USH2A: variants seen among roughly 807,000 people sequenced by gnomAD.
The protein encoded by USH2A is Usher syndrome 2A (autosomal recessive, mild).
In USH2A, 443 loss-of-function variants were observed where a neutral mutation model predicts 538.9. That is an observed-to-expected ratio of 0.82 (90% CI 0.76 to 0.89). USH2A has a LOEUF of 0.89. USH2A is among the 40% of genes least tolerant of loss of function. The pLI is 0.00. For synonymous variants in USH2A, 2,413 were observed against 2,273.5 expected (o/e 1.06, Z -1.75); for missense variants, 6,633 against 6,324.8 (o/e 1.05, Z -1.65).
In USH2A at chr1:216,083,447, T is replaced by G; in HGVS notation, c.5298+9A>C. On this transcript the variant is annotated intron_variant, in intron 26 of 71. Coordinates refer to ENST00000307340, the MANE Select transcript of USH2A (RefSeq NM_206933.4). The stretch of plus-strand genomic sequence containing the variant: ...TTTAAAGTAATTTTAATCAAATTAA[T>G]TCACATACAGCAAGAAAATCAGGTC... 1 of 1,610,086 alleles carries G rather than the reference T, an allele frequency of 6.2e-7. No individual in the cohort carries two copies. The highest frequency in any genetic ancestry group is 8.5e-7 in the Non-Finnish European group (1 of 1,178,420).
intron 40 of USH2A, among the ~76,000 whole-genome samples, chr1:215,896,001 A>G (rs548296233): frequency 3.9e-5 from 6 of 152,284 alleles, no homozygotes; most frequent in African/African-American, 1.4e-4. Flanking sequence ...TAAAAATATG[A>G]TATCATCATC....
chr1:215,664,758 A>G (rs1325451699), intron 64 of USH2A, among the ~76,000 whole-genome samples: 1 of 152,076 alleles, frequency 6.6e-6, no homozygotes, highest in Non-Finnish European at 1.5e-5. Context: ...CATGAAGGGG[A>G]CTAGTGTTCT....
intron 69 of USH2A, among the ~76,000 whole-genome samples, chr1:215,638,495 T>TTG (rs1474476936): frequency 6.6e-6 from 1 of 151,852 alleles, no homozygotes; most frequent in African/African-American, 2.4e-5. Context: ...TGACATACAC[T>TTG]TGTAGTCCCA....
chr1:216,175,276 G>A lies in USH2A; in HGVS notation c.4603C>T (p.His1535Tyr). ...NGYCKFPSST[H>Y]PVNTDFTGIK... Reference sequence around the variant, plus strand: ...CCAGTGAAGTCTGTATTGACTGGGTGAGTGGAGCTGGGAAATTTACAATAC... The same window carrying A: ...CCAGTGAAGTCTGTATTGACTGGGTAAGTGGAGCTGGGAAATTTACAATAC... The change falls in exon 21 of 72, where the codon CAC becomes TAC. Residue 1535 changes from histidine (H) to tyrosine (Y), a missense_variant. His to Tyr is a moderately conservative substitution (Grantham distance 83, BLOSUM62 2). Transcript: ENST00000307340. 1 of 1,613,730 alleles carries A rather than the reference G, an allele frequency of 6.2e-7. No homozygotes were observed. Among genetic ancestry groups the A allele is most frequent in the Non-Finnish European group, 8.5e-7 (1 of 1,179,836 alleles).
At chr1:215,796,474 A>ATTAT (rs1662140124) in intron 50 of USH2A, among the ~76,000 whole-genome samples, 1 of 151,732 alleles carries the variant, frequency 6.6e-6, no homozygotes, top group Non-Finnish European at 1.5e-5. Context: ...ATGACCTTTG[A>ATTAT]TGTTACTATG....
chr1:216,197,751 A>C (rs2034883526), intron 18 of USH2A, among the ~76,000 whole-genome samples: 1 of 152,190 alleles, frequency 6.6e-6, no homozygotes. Context: ...TTTTGCCTTA[A>C]TGAAGATAAT....
intron 4 of USH2A, among the ~76,000 whole-genome samples, chr1:216,328,973 G>T (rs1366176169): frequency 2.0e-5 from 3 of 151,912 alleles, no homozygotes; most frequent in Non-Finnish European, 4.4e-5. Flanking sequence ...TACACTTATA[G>T]GCTCTCTCTT....
At chr1:215,827,825 A>G (rs1018377149) in intron 47 of USH2A, among the ~76,000 whole-genome samples, 2 of 152,178 alleles carry the variant, frequency 1.3e-5, no homozygotes, top group Non-Finnish European at 2.9e-5. Context: ...CTTCAGCCCA[A>G]CACTCTCCCT....
chr1:216,134,425 A>C (rs1026876100), intron 21 of USH2A, among the ~76,000 whole-genome samples: 1 of 152,116 alleles, frequency 6.6e-6, no homozygotes, highest in Non-Finnish European at 1.5e-5. Flanking sequence ...GCAATGTCCC[A>C]GGTAGCAGAA....
At chr1:216,108,144 G>A (rs2032782997) in intron 21 of USH2A, among the ~76,000 whole-genome samples, 1 of 151,058 alleles carries the variant, frequency 6.6e-6, no homozygotes, top group Non-Finnish European at 1.5e-5. Flanking sequence ...ACTTTTTTTA[G>A]CACTTCTTGT....
intron 44 of USH2A, among the ~76,000 whole-genome samples, chr1:215,859,214 C>CT (rs1290342051): frequency 6.6e-6 from 1 of 152,022 alleles, no homozygotes; most frequent in Non-Finnish European, 1.5e-5. Context: ...TATAAAGGGA[C>CT]TTTTTTCAAC....
At position 215,936,057 on chromosome 1, in the gene USH2A, C is replaced by A. The variant is rs114243564; in HGVS notation, c.7121-1262G>T. On this transcript the variant is annotated intron_variant, in intron 37 of 71. Coordinates refer to ENST00000307340, the MANE Select transcript of USH2A (RefSeq NM_206933.4). ...GAGATTTTTTTATCTAAAAGAGCAC[C>A]AATATTTACTTCAAATAACCTTTTT... 9.8e-3 allele frequency among the ~76,000 whole-genome samples: 1,494 copies of A among 151,734 alleles called. 21 individuals are homozygous for A. Among genetic ancestry groups the A allele is most frequent in the African/African-American group, 0.035 (1,442 of 41,436 alleles).
intron 26 of USH2A, among the ~76,000 whole-genome samples, chr1:216,082,747 C>T (rs1329961008): frequency 1.3e-5 from 2 of 152,016 alleles, no homozygotes; most frequent in Non-Finnish European, 2.9e-5. Context: ...TGAAGCAAAA[C>T]ATGGGAACAA....
intron 15 of USH2A, among the ~76,000 whole-genome samples, chr1:216,211,263 C>A (rs567225083): frequency 1.3e-5 from 2 of 152,222 alleles, no homozygotes; most frequent in South Asian, 4.2e-4. Context: ...AATTTATAGC[C>A]AGTGGGTTAC....
At chr1:216,403,081 A>T (rs1040934092) in intron 3 of USH2A, among the ~76,000 whole-genome samples, 2 of 152,200 alleles carry the variant, frequency 1.3e-5, no homozygotes, top group African/African-American at 4.8e-5. Flanking sequence ...CTATAATTGT[A>T]TACTATGACC....
chr1:216,315,891 C>G (rs1001598518), intron 9 of USH2A, among the ~76,000 whole-genome samples: 1 of 152,028 alleles, frequency 6.6e-6, no homozygotes. Context: ...AAATATTTAA[C>G]TTTGTATGAA....
intron 47 of USH2A, among the ~76,000 whole-genome samples, chr1:215,818,521 T>C (rs746495320): frequency 2.6e-5 from 4 of 151,692 alleles, no homozygotes; most frequent in Admixed American, 6.6e-5. Context: ...TTAAAGAAAA[T>C]GTTTGATTTT....
rs114439076 is a variant in USH2A at position 216,245,686 on chromosome 1, A to G, written c.2809+899T>C. Among the ~76,000 whole-genome samples, 565 of 152,294 alleles carry G rather than the reference A, an allele frequency of 3.7e-3. 4 individuals are homozygous for G. Among genetic ancestry groups the G allele is most frequent in the African/African-American group, 0.013 (533 of 41,576 alleles). On this transcript the variant is annotated intron_variant, in intron 13 of 71. Transcript: ENST00000307340. ...ACATCACAAAAAGAATGAACTCTTCATCAATTCCTTCTTGTCTCTTTGATC... is the reference window on the plus strand; with the variant it reads ...ACATCACAAAAAGAATGAACTCTTCGTCAATTCCTTCTTGTCTCTTTGATC...
chr1:216,084,747 C>G lies in USH2A; in HGVS notation c.5118G>C (p.Trp1706Cys). The change falls in exon 25 of 72, where the codon TGG becomes TGC. Residue 1706 changes from tryptophan to cysteine, a missense_variant. Transcript: ENST00000307340. ...CATTTAATGAAGCGGGACATCCCTC[C>G]CAGCTGTTATACACGTTGATTTGTT... ...SEEQINVYNSWEGCPASLNEG... is the reference protein window; with the variant it reads ...SEEQINVYNSCEGCPASLNEG... 6.2e-7 allele frequency: 1 copy of G among 1,613,474 alleles called. No individual in the cohort carries two copies. Among genetic ancestry groups the G allele is most frequent in the Non-Finnish European group, 8.5e-7 (1 of 1,179,662 alleles).
Sources: gnomAD v4.1 joint callset for allele counts (sites outside exome capture counted in the v4.1 genomes callset) on GRCh38, gnomAD v4.1.1 for gene constraint, MANE v1.5 for transcripts, NCBI Gene and HGNC (gene_info 2026-07-23, HGNC 2026-07-21) for gene names.